The following PDE1A variants were observed in gnomAD, a reference collection of about 807,000 sequenced individuals.
PDE1A encodes phosphodiesterase 1A, also known as dual specificity calcium/calmodulin-dependent 3',5'-cyclic nucleotide phosphodiesterase 1A.
In PDE1A, 35 loss-of-function variants were observed where a neutral mutation model predicts 61.7. The ratio of observed to expected loss-of-function variants is 0.57; its 90% confidence interval spans 0.43 to 0.75. PDE1A has a LOEUF of 0.75. Among genes scored for constraint, PDE1A ranks in the 30% least tolerant of loss-of-function variants. The pLI is 0.00. For missense variants in PDE1A, 597 were observed against 630.6 expected, an observed-to-expected ratio of 0.95 and a Z score of 0.57; for synonymous variants, 232 against 213.2, an observed-to-expected ratio of 1.09 and a Z score of -0.77.
chr2:182,600,640 G>A, the PDE1A span, among the ~76,000 whole-genome samples: 1 of 152,198 alleles, frequency 6.6e-6, no homozygotes, highest in South Asian at 2.1e-4. Flanking sequence ...TACTGAGTCA[G>A]GATGAAAAGA....
chr2:182,444,193 T>C (rs1378709330), intron 2 of PDE1A, among the ~76,000 whole-genome samples: 3 of 152,076 alleles, frequency 2.0e-5, no homozygotes, highest in Middle Eastern at 3.2e-3. Flanking sequence ...CTCCAAGAAG[T>C]TTTAAGTTCC....
intron 2 of PDE1A, among the ~76,000 whole-genome samples, chr2:182,503,028 C>G (rs1396584232): frequency 2.0e-5 from 3 of 146,354 alleles, no homozygotes; most frequent in African/African-American, 5.1e-5. Context: ...TCTCCCCCTC[C>G]CCATTCTTTC....
At chr2:182,692,163 C>G in the PDE1A span, among the ~76,000 whole-genome samples, 3 of 152,108 alleles carry the variant, frequency 2.0e-5, no homozygotes, top group African/African-American at 7.2e-5. Flanking sequence ...ACCCAGCAAT[C>G]CCATTACTAG....
chr2:182,554,315 T>C, the PDE1A span, among the ~76,000 whole-genome samples: 3 of 152,204 alleles, frequency 2.0e-5, no homozygotes, highest in South Asian at 6.2e-4. Flanking sequence ...CCAGTCACGA[T>C]TCCCCTTCTG....
chr2:182,368,010 G>T (rs553396420), intron 1 of PDE1A, among the ~76,000 whole-genome samples: 1 of 151,952 alleles, frequency 6.6e-6, no homozygotes, highest in African/African-American at 2.4e-5. Context: ...AAAGGAGAGA[G>T]GTTAATATAA....
At chr2:182,609,376 C>T in the PDE1A span, among the ~76,000 whole-genome samples, 2 of 152,198 alleles carry the variant, frequency 1.3e-5, no homozygotes, top group African/African-American at 4.8e-5. Flanking sequence ...GCCTGGTAAC[C>T]CTCTAGAGTC....
chr2:182,689,616 G>C, the PDE1A span, among the ~76,000 whole-genome samples: 1 of 152,130 alleles, frequency 6.6e-6, no homozygotes, highest in Non-Finnish European at 1.5e-5. Flanking sequence ...ACAATTAAAA[G>C]AACTAGAGAA....
chr2:182,335,541 G>C (rs1032925727), intron 1 of PDE1A, among the ~76,000 whole-genome samples: 1 of 152,162 alleles, frequency 6.6e-6, no homozygotes, highest in Non-Finnish European at 1.5e-5. Context: ...TTAATAAATG[G>C]TGTTGGGAAA....
At chr2:182,245,877 G>A (rs968310148) in intron 2 of PDE1A, among the ~76,000 whole-genome samples, 2 of 152,028 alleles carry the variant, frequency 1.3e-5, no homozygotes, top group African/African-American at 4.8e-5. Context: ...TATCATAAGT[G>A]TTTAGTTTTG....
upstream of PDE1A, among the ~76,000 whole-genome samples, chr2:182,524,840 C>T (rs1690752358): frequency 2.0e-5 from 3 of 151,766 alleles, no homozygotes. Context: ...CTCATAGTTT[C>T]CATTTATTTT....
At chr2:182,527,708 A>G (rs183980978), upstream of PDE1A, among the ~76,000 whole-genome samples, 2 of 152,258 alleles carry the variant, frequency 1.3e-5, no homozygotes, top group African/African-American at 4.8e-5. Context: ...CTGTGTTCCC[A>G]TCCAAATCTC....
rs139982392 is a variant in PDE1A, at chr2:182,460,326, G to T, written c.101+61950C>A. ...AGACAGGTCAAGCCTCACTTCCCCA[G>T]TGTTACTTCCCATCACCAGTTCGAC... On this transcript the variant is annotated intron_variant, in intron 2 of 14. Transcript: ENST00000410103. Among the ~76,000 whole-genome samples the T allele has an allele frequency of 1.7e-3, 257 of 152,164 alleles. 1 individual carries two copies. The highest frequency in any genetic ancestry group is 5.9e-3 in the African/African-American group (244 of 41,546).
intron 1 of PDE1A, among the ~76,000 whole-genome samples, chr2:182,355,233 G>A (rs985284370): frequency 6.6e-6 from 1 of 151,604 alleles, no homozygotes; most frequent in South Asian, 2.1e-4. Flanking sequence ...AAATAAATAT[G>A]GCCACTCTTA....
the PDE1A span, among the ~76,000 whole-genome samples, chr2:182,661,852 G>A: frequency 6.6e-6 from 1 of 152,072 alleles, no homozygotes; most frequent in Non-Finnish European, 1.5e-5. Context: ...AAGGATATGT[G>A]AGACATTGTA....
intron 7 of PDE1A, among the ~76,000 whole-genome samples, chr2:182,219,883 T>A (rs1688574444): frequency 6.6e-6 from 1 of 152,140 alleles, no homozygotes; most frequent in Non-Finnish European, 1.5e-5. Context: ...CTGTATCTTA[T>A]CATGTTATAT....
intron 6 of PDE1A, among the ~76,000 whole-genome samples, chr2:182,226,184 TCTA>T (rs1357675169): frequency 6.7e-6 from 1 of 149,956 alleles, no homozygotes; most frequent in Non-Finnish European, 1.5e-5. Context: ...GCATTCATTA[TCTA>T]CTATGATAAC....
At chr2:182,591,787 T>C in the PDE1A span, among the ~76,000 whole-genome samples, 1 of 152,256 alleles carries the variant, frequency 6.6e-6, no homozygotes, top group African/African-American at 2.4e-5. Flanking sequence ...CCTGGTTCAC[T>C]GGAAATTTAG....
exon 3 of PDE1A, chr2:182,240,215 G>A (rs2125688181): frequency 1.9e-6 from 3 of 1,613,872 alleles, no homozygotes; most frequent in East Asian, 4.5e-5. Context: ...AAAGGTAGAA[G>A]CCAACCAGTC....
Position 182,375,268 on chromosome 2 carries a change from CAA to C in PDE1A, c.53+51308_53+51309del, listed in dbSNP as rs367937006. Among the ~76,000 whole-genome samples the C allele has an allele frequency of 1.9e-3, 287 of 152,244 alleles. 2 individuals are homozygous for C. Among genetic ancestry groups the C allele is most frequent in the African/African-American group, 6.7e-3 (277 of 41,524 alleles). On this transcript the variant is annotated intron_variant, in intron 1 of 13. Coordinates refer to ENST00000351439, the Ensembl canonical transcript of PDE1A. ...AGCATTAACCCAAAAGTCCACAGTC[CAA>C]AGTCTTTTCTGAGACAAGCAGGTCC...
Sources: gnomAD v4.1 joint callset for allele counts (sites outside exome capture counted in the v4.1 genomes callset) on GRCh38, gnomAD v4.1.1 for gene constraint, MANE v1.5 for transcripts, NCBI Gene and HGNC (gene_info 2026-07-23, HGNC 2026-07-21) for gene names.